The following EZH2 variants were observed in gnomAD, a reference collection of about 807,000 sequenced individuals.
EZH2 encodes the protein enhancer of zeste 2 polycomb repressive complex 2 subunit, also known as histone-lysine N-methyltransferase EZH2.
Under a neutral mutation model 98.4 loss-of-function variants are expected in EZH2, and 18 were observed. That is an observed-to-expected ratio of 0.18 (90% CI 0.13 to 0.27). The LOEUF is 0.27. EZH2 is among the 10% of genes least tolerant of loss of function. The probability of loss-of-function intolerance (pLI) is 1.00; values close to 1 mark genes in which losing one functional copy is unlikely to be tolerated. For missense variants in EZH2, 470 were observed against 935.1 expected (o/e 0.50, Z 6.49); for synonymous variants, 338 against 312.3 (o/e 1.08, Z -0.87).
chr7:148,837,495 C>T (rs1454191310), intron 3 of EZH2, among the ~76,000 whole-genome samples: 1 of 152,078 alleles, frequency 6.6e-6, no homozygotes, highest in Non-Finnish European at 1.5e-5. Context: ...GATAACACGC[C>T]CAAGTTTTAA....
intron 12 of EZH2, among the ~76,000 whole-genome samples, chr7:148,816,295 G>C (rs1244056484): frequency 6.6e-6 from 1 of 152,170 alleles, no homozygotes; most frequent in Non-Finnish European, 1.5e-5. Flanking sequence ...ACACAACTTA[G>C]AAATTCAAGC....
chr7:148,883,536 G>A (rs1821327280), intron 1 of EZH2: 1 of 150,270 alleles, frequency 6.7e-6, no homozygotes, highest in Non-Finnish European at 1.5e-5. Context: ...CCCAGCCCGG[G>A]GTCGGCGCGC....
At chr7:148,833,572 A>T (rs1163709127) in intron 3 of EZH2, among the ~76,000 whole-genome samples, 4 of 152,226 alleles carry the variant, frequency 2.6e-5, no homozygotes. Flanking sequence ...TTATCAGATG[A>T]TACATAAATA....
chr7:148,817,803 G>A, intron 10 of EZH2, 74 bp downstream of exon 10: 4 of 1,580,078 alleles, frequency 2.5e-6, no homozygotes, highest in South Asian at 2.3e-5. Context: ...ATTATTCAAT[G>A]CATTATACAT....
At chr7:148,862,908 T>TTTTTGTTTTG (rs980268644) in intron 1 of EZH2, among the ~76,000 whole-genome samples, 1 of 145,052 alleles carries the variant, frequency 6.9e-6, no homozygotes, top group African/African-American at 2.6e-5. Flanking sequence ...TTTTTGTTTG[T>TTTTTGTTTTG]TTTTGTTTTG....
intron 3 of EZH2, among the ~76,000 whole-genome samples, chr7:148,845,987 C>A (rs1047764379): frequency 1.3e-5 from 2 of 152,066 alleles, no homozygotes; most frequent in African/African-American, 4.8e-5. Context: ...TCAGAAAGTA[C>A]TATAGAAAAA....
In EZH2 at chr7:148,866,475, C is replaced by G. The variant is rs147736771; in HGVS notation, c.-8+17689G>C. 2.3e-3 allele frequency among the ~76,000 whole-genome samples: 320 copies of G among 137,840 alleles called. 2 individuals carry two copies. The highest frequency in any genetic ancestry group is 9.2e-3 in the African/African-American group (304 of 33,106). 90.4% of individuals were successfully genotyped at this position (137,840 alleles called of 152,430 possible). Reference sequence around the variant, plus strand: ...GTACCTTGATCTTAAACTTCCCAGCCCCCAAAACTGTGAAAAATATATATA... The same window carrying G: ...GTACCTTGATCTTAAACTTCCCAGCGCCCAAAACTGTGAAAAATATATATA... On this transcript the variant is annotated intron_variant, in intron 1 of 19. Transcript: ENST00000320356.
chr7:148,822,360 A>C (rs1304995841), intron 8 of EZH2, among the ~76,000 whole-genome samples: 1 of 151,886 alleles, frequency 6.6e-6, no homozygotes, highest in Non-Finnish European at 1.5e-5. Flanking sequence ...AAATAGAAAA[A>C]TTAGCTGGAT....
chr7:148,814,664 GA>G (rs1328767432), intron 14 of EZH2, among the ~76,000 whole-genome samples: 1 of 152,010 alleles, frequency 6.6e-6, no homozygotes, highest in Admixed American at 6.5e-5. Flanking sequence ...GATCAAAGAA[GA>G]AAAAAATAAA....
At chr7:148,837,437 G>A (rs1427237506) in intron 3 of EZH2, among the ~76,000 whole-genome samples, 2 of 152,148 alleles carry the variant, frequency 1.3e-5, no homozygotes, top group African/African-American at 2.4e-5. Flanking sequence ...AAAGCTGGGG[G>A]TGATTTCTGA....
chr7:148,859,204 A>C (rs1158135069), intron 1 of EZH2, among the ~76,000 whole-genome samples: 1 of 152,188 alleles, frequency 6.6e-6, no homozygotes, highest in African/African-American at 2.4e-5. Flanking sequence ...CTAGTTGGAC[A>C]GAAACAGTTA....
At position 148,811,901 on chromosome 7, in the gene EZH2, A is replaced by G. The variant is rs559763936; in HGVS notation, c.1852-181T>C. 4 of 574,390 alleles carry G rather than the reference A, an allele frequency of 7.0e-6. No homozygotes were observed. In the Admixed American group the frequency reaches 8.9e-5, roughly 13 times the overall value. The allele number at this position is 574,390 out of a possible 1,614,324, so 35.6% of individuals were successfully genotyped here. A position where few individuals can be genotyped will look rare whatever the true frequency, so the allele number is the denominator to read the frequency against. ...AAAGCTGCTGAGAATGGCTATGAAC[A>G]TTATGTTTTCCTTATACAGCAGATA... is the stretch of plus-strand genomic sequence containing the variant. On this transcript the variant is annotated intron_variant, in intron 15 of 19. Transcript: ENST00000320356.
At chr7:148,852,325 C>T (rs1377612582) in intron 1 of EZH2, among the ~76,000 whole-genome samples, 1 of 152,220 alleles carries the variant, frequency 6.6e-6, no homozygotes, top group African/African-American at 2.4e-5. Flanking sequence ...TACCATCTTA[C>T]TTTATCCCAC....
chr7:148,811,881 T>A (rs1584890730), intron 15 of EZH2, 161 bp from the exon 16 acceptor site: 1 of 604,710 alleles, frequency 1.7e-6, no homozygotes, highest in East Asian at 2.8e-5. Flanking sequence ...ACGTGAAAGC[T>A]GCTGAGAATG....
chr7:148,816,560 T>C (rs1584927575), intron 12 of EZH2, 124 bp downstream of exon 12: 1 of 648,336 alleles, frequency 1.5e-6, no homozygotes, highest in East Asian at 2.7e-5. Context: ...AGTTCTGTTT[T>C]TGATGGCAGT....
In EZH2 at chr7:148,838,127, G is replaced by A. The variant is rs868378328; in HGVS notation, c.247-5377C>T. Among the ~76,000 whole-genome samples the A allele has an allele frequency of 2.8e-5, 4 of 140,560 alleles. No individual in the cohort carries two copies. In the South Asian group the frequency reaches 6.7e-4, roughly 24 times the overall value. The allele number at this position is 140,560 out of a possible 152,430, so 92.2% of individuals were successfully genotyped here. A position where few individuals can be genotyped will look rare whatever the true frequency, so the allele number is the denominator to read the frequency against. ...CTTGTTGCCAAGGTTAGAGTGCAGT[G>A]GTGCAATCATGGCTCACTGCAGCCT... On this transcript the variant is annotated intron_variant, in intron 3 of 19. Coordinates refer to ENST00000320356, the MANE Select transcript of EZH2 (RefSeq NM_004456.5).
chr7:148,809,046 C>G (rs181540261), intron 19 of EZH2, 25 bp downstream of exon 19: 2 of 1,595,266 alleles, frequency 1.3e-6, no homozygotes, highest in South Asian at 2.2e-5. Flanking sequence ...CCTTAGAGAT[C>G]ATGCTAGAAA....
intron 1 of EZH2, among the ~76,000 whole-genome samples, chr7:148,855,897 C>CAAAAAAA (rs34692092): frequency 2.2e-4 from 9 of 40,984 alleles, no homozygotes; most frequent in East Asian, 7.5e-4. Context: ...GACTCCATCT[C>CAAAAAAA]AAAAAAAAAA....
intron 14 of EZH2, 54 bp from the exon 15 acceptor site, chr7:148,814,191 A>G: frequency 6.4e-7 from 1 of 1,562,248 alleles, no homozygotes; most frequent in South Asian, 1.2e-5. Context: ...AAAAACTTGC[A>G]GAAAGATACG....
Sources: gnomAD v4.1 joint callset for allele counts (sites outside exome capture counted in the v4.1 genomes callset) on GRCh38, gnomAD v4.1.1 for gene constraint, MANE v1.5 for transcripts, NCBI Gene and HGNC (gene_info 2026-07-23, HGNC 2026-07-21) for gene names.